Variants in FSHR observed in about 807,000 individuals in gnomAD.
FSHR encodes the protein follicle-stimulating hormone receptor.
Under a neutral mutation model 52.1 loss-of-function variants are expected in FSHR, and 46 were observed. The observed-to-expected ratio is 0.88, with a 90% confidence interval of 0.70 to 1.13. FSHR has a LOEUF of 1.13. Ranked by LOEUF, FSHR falls within the 50% of genes most tolerant of loss-of-function variation. The pLI, the probability that FSHR is intolerant of heterozygous loss-of-function variation, is 0.00. For synonymous variants in FSHR, 399 were observed against 309.6 expected, an observed-to-expected ratio of 1.29 and a Z score of -3.03; for missense variants, 964 against 834.6, an observed-to-expected ratio of 1.16 and a Z score of -1.91.
chr2:48,980,455 A>G (rs1675197184), intron 8 of FSHR, among the ~76,000 whole-genome samples: 1 of 152,110 alleles, frequency 6.6e-6, no homozygotes, highest in Admixed American at 6.6e-5. Flanking sequence ...TAGATGGGGG[A>G]TTCAAGTTTT....
intron 1 of FSHR, among the ~76,000 whole-genome samples, chr2:49,089,890 C>G (rs901124661): frequency 6.6e-6 from 1 of 152,112 alleles, no homozygotes; most frequent in African/African-American, 2.4e-5. Flanking sequence ...TTTCTAATCC[C>G]GAACTGTGTG....
At chr2:48,972,997 C>T (rs184118544) in intron 8 of FSHR, among the ~76,000 whole-genome samples, 7 of 144,394 alleles carry the variant, frequency 4.8e-5, no homozygotes, top group South Asian at 2.1e-4. Context: ...TTTCCCATTG[C>T]GGGTCTATTT....
At chr2:49,141,014 G>T (rs915980026) in intron 1 of FSHR, among the ~76,000 whole-genome samples, 1 of 152,134 alleles carries the variant, frequency 6.6e-6, no homozygotes, top group Non-Finnish European at 1.5e-5. Flanking sequence ...CATAAGAAAT[G>T]TGTAAAAGGC....
intron 6 of FSHR, among the ~76,000 whole-genome samples, chr2:48,987,360 T>C (rs1321457841): frequency 6.6e-6 from 1 of 151,778 alleles, no homozygotes; most frequent in African/African-American, 2.4e-5. Context: ...CCTGCCACCA[T>C]GCCCAGCTAA....
chr2:49,137,231 A>G (rs913902847), intron 1 of FSHR, among the ~76,000 whole-genome samples: 3 of 152,118 alleles, frequency 2.0e-5, no homozygotes, highest in Admixed American at 2.0e-4. Flanking sequence ...AATTAAAAAT[A>G]AGAGAAAAAT....
chr2:48,996,982 A>C (rs1320633961), intron 4 of FSHR, among the ~76,000 whole-genome samples: 1 of 152,146 alleles, frequency 6.6e-6, no homozygotes, highest in Non-Finnish European at 1.5e-5. Flanking sequence ...ATCTATATAC[A>C]ACATGATAAA....
intron 4 of FSHR, among the ~76,000 whole-genome samples, chr2:49,013,448 C>G (rs1309650197): frequency 1.6e-5 from 2 of 125,550 alleles, no homozygotes; most frequent in Non-Finnish European, 1.6e-5. Context: ...AGTCTTAGCC[C>G]TGAATATATA....
intron 2 of FSHR, among the ~76,000 whole-genome samples, chr2:49,044,565 G>A (rs559997364): frequency 6.6e-6 from 1 of 152,224 alleles, no homozygotes; most frequent in East Asian, 1.9e-4. Context: ...TCTGCTCTAG[G>A]TTTCCTGTGG....
At chr2:48,987,445 C>T (rs900929445) in intron 6 of FSHR, among the ~76,000 whole-genome samples, 18 of 152,018 alleles carry the variant, frequency 1.2e-4, no homozygotes, top group African/African-American at 3.9e-4. Flanking sequence ...CTCCTGACCT[C>T]GTGATCTGCC....
intron 4 of FSHR, among the ~76,000 whole-genome samples, chr2:49,001,371 T>C (rs1666876388): frequency 6.6e-6 from 1 of 152,140 alleles, no homozygotes; most frequent in Admixed American, 6.6e-5. Context: ...CTGGCTCCCC[T>C]GCCTCTTGGT....
intron 6 of FSHR, among the ~76,000 whole-genome samples, chr2:48,988,369 A>G (rs185700610): frequency 7.2e-5 from 11 of 152,356 alleles, no homozygotes; most frequent in Admixed American, 3.9e-4. Context: ...TAGATAGCCC[A>G]TAGTGTCCTA....
At chr2:49,016,935 G>A (rs1667511562) in intron 4 of FSHR, among the ~76,000 whole-genome samples, 1 of 152,174 alleles carries the variant, frequency 6.6e-6, no homozygotes, top group Non-Finnish European at 1.5e-5. Flanking sequence ...GCTCTGTCAA[G>A]CCCTCAGCTA....
At chr2:48,992,135 A>T (rs1675810907) in intron 4 of FSHR, among the ~76,000 whole-genome samples, 1 of 151,926 alleles carries the variant, frequency 6.6e-6, no homozygotes, top group South Asian at 2.1e-4. Context: ...CTTTTTATCC[A>T]GGAAAAGAGG....
intron 1 of FSHR, among the ~76,000 whole-genome samples, chr2:49,139,926 G>A (rs1672617718): frequency 6.6e-6 from 1 of 152,056 alleles, no homozygotes; most frequent in Non-Finnish European, 1.5e-5. Context: ...CAAATGCAGA[G>A]TATTTGAAAT....
intron 4 of FSHR, among the ~76,000 whole-genome samples, chr2:49,012,503 C>G (rs962809937): frequency 6.6e-6 from 1 of 151,970 alleles, no homozygotes; most frequent in African/African-American, 2.4e-5. Context: ...TCTGTGCCAT[C>G]AAATGAGCAG....
chr2:49,040,302 C>T (rs994289050), intron 2 of FSHR, among the ~76,000 whole-genome samples: 5 of 85,162 alleles, frequency 5.9e-5, no homozygotes, highest in Non-Finnish European at 9.4e-5. Context: ...AGACTGTGTA[C>T]CTCAGACTGG....
At chr2:49,019,632 T>C (rs1260274237) in intron 3 of FSHR, among the ~76,000 whole-genome samples, 1 of 152,242 alleles carries the variant, frequency 6.6e-6, no homozygotes, top group Non-Finnish European at 1.5e-5. Context: ...GTAATTTTAT[T>C]ATTCCAGTTT....
chr2:49,012,982 C>T (rs1472916080), intron 4 of FSHR, among the ~76,000 whole-genome samples: 1 of 152,056 alleles, frequency 6.6e-6, no homozygotes, highest in African/African-American at 2.4e-5. Flanking sequence ...TAAATGAGGT[C>T]ATAAGTGTAG....
intron 1 of FSHR, among the ~76,000 whole-genome samples, chr2:49,085,439 A>C (rs11901016): frequency 0.47 from 70,790 of 151,430 alleles, 16,785 homozygotes; most frequent in African/African-American, 0.55. Flanking sequence ...TGGCACAACG[A>C]AGGGATGCCC....
Sources: allele counts gnomAD v4.1 joint callset (sites outside exome capture counted in the v4.1 genomes callset), GRCh38; gene constraint gnomAD v4.1.1; transcripts MANE v1.5; gene names NCBI Gene and HGNC (gene_info 2026-07-23, HGNC 2026-07-21).